PTPRH: variants seen among roughly 807,000 people sequenced by gnomAD.
The protein encoded by PTPRH is receptor-type tyrosine-protein phosphatase H.
In PTPRH, 113 loss-of-function variants were observed where a neutral mutation model predicts 130.2. The ratio of observed to expected loss-of-function variants is 0.87; its 90% confidence interval spans 0.75 to 1.01. The LOEUF is 1.01. Ranked by LOEUF, PTPRH falls within the 50% of genes least tolerant of loss-of-function variation. The pLI, the probability that PTPRH is intolerant of heterozygous loss-of-function variation, is 0.00. For synonymous variants in PTPRH, 556 were observed against 577.9 expected, an observed-to-expected ratio of 0.96 and a Z score of 0.54; for missense variants, 1,430 against 1,425.0, an observed-to-expected ratio of 1.00 and a Z score of -0.06.
chr19:55,182,265 C>G, intron 18 of PTPRH, 114 bp from the exon 19 acceptor site: 1 of 1,259,910 alleles, frequency 7.9e-7, no homozygotes, highest in Non-Finnish European at 1.1e-6. Context: ...CCTGCTCACA[C>G]CTGTAATCCC....
At position 55,202,206 on chromosome 19, in the gene PTPRH, T is replaced by C. The variant is rs2086886311; in HGVS notation, c.1003A>G (p.Thr335Ala). ...PQNSTYGVEY[T>A]GDGGRAGTRS... ...GTCCCTGCTCTGCCACCATCTCCAG[T>C]GTACTCAACCCCGTAGGTGGAGTTC... The change falls in exon 6 of 20, where the codon ACT (threonine) becomes GCT (alanine). Residue 335 changes from threonine (T) to alanine (A), a missense_variant. Transcript: ENST00000376350. The C allele has an allele frequency of 6.2e-7, 1 of 1,614,080 alleles. No homozygotes were observed. Among genetic ancestry groups the C allele is most frequent in the African/African-American group, 1.3e-5 (1 of 74,934 alleles).
In PTPRH at chr19:55,186,491, A is replaced by G; in HGVS notation, c.2616T>C (p.Ser872=). ...PLKPIHEEPG[S]DYINASFMPG... is the part of the protein sequence containing the mutation. ...GCATGAAGCTGGCATTGATGTAGTC[A>G]GAGCCTGGCTCCTCATGGATGGGCT... Residue 872 remains serine, a synonymous_variant, in exon 15 of 20, where the codon TCT becomes TCC. Coordinates refer to ENST00000376350, the MANE Select transcript of PTPRH (RefSeq NM_002842.5). The G allele has an allele frequency of 1.3e-6, 2 of 1,560,186 alleles. 1 individual carries two copies. The highest frequency in any genetic ancestry group is 2.2e-5 in the South Asian group (2 of 89,018).
chr19:55,185,436 A>G (rs574388579), intron 18 of PTPRH, 66 bp downstream of exon 18: 10 of 1,569,566 alleles, frequency 6.4e-6, no homozygotes, highest in Non-Finnish European at 7.8e-6. Flanking sequence ...GGTCCCGTCT[A>G]ACACAACTGT....
intron 3 of PTPRH, 21 bp from the exon 4 acceptor site, chr19:55,205,613 G>T (rs1409895561): frequency 3.1e-6 from 5 of 1,612,532 alleles, no homozygotes; most frequent in African/African-American, 2.7e-5. Flanking sequence ...GCACAGGAGG[G>T]AAAATCAGTT....
chr19:55,206,203 A>C (rs1465223813), intron 3 of PTPRH, among the ~76,000 whole-genome samples: 2 of 151,942 alleles, frequency 1.3e-5, no homozygotes, highest in Admixed American at 6.6e-5. Context: ...ACTGCACTCC[A>C]ACCTGGGCGA....
At chr19:55,189,129 G>A (rs1246778399) in intron 12 of PTPRH, among the ~76,000 whole-genome samples, 1 of 152,134 alleles carries the variant, frequency 6.6e-6, no homozygotes, top group Non-Finnish European at 1.5e-5. Flanking sequence ...GGGATTACAG[G>A]TGCCAGCCAC....
Position 55,198,753 on chromosome 19 carries a change from C to T in PTPRH, c.1580G>A (p.Gly527Asp), listed in dbSNP as rs754708961. 2 of 1,614,076 alleles carry T rather than the reference C, an allele frequency of 1.2e-6. No homozygotes were observed. Among genetic ancestry groups the T allele is most frequent in the Non-Finnish European group, 1.7e-6 (2 of 1,180,012 alleles). Reference sequence around the variant, plus strand: ...CAGTTCCTTTAGGGTGATGTCAGTACCTGAGGTGCTTTGGGTCCTGGGGTC... The same window carrying T: ...CAGTTCCTTTAGGGTGATGTCAGTATCTGAGGTGCTTTGGGTCCTGGGGTC... Reference protein sequence around the residue: ...MTDPRTQSTSGTDITLKELEA... With the variant: ...MTDPRTQSTSDTDITLKELEA... The change falls in exon 8 of 20, where the codon GGT becomes GAT. Residue 527 changes from glycine to aspartate, a missense_variant. Transcript: ENST00000376350.
At chr19:55,202,441 A>G (rs2086893410) in intron 5 of PTPRH, 119 bp from the exon 6 acceptor site, 6 of 1,434,556 alleles carry the variant, frequency 4.2e-6, no homozygotes, top group Middle Eastern at 3.9e-4. Context: ...TGCACTGTCC[A>G]GTGTGGCAGC....
rs144253410 is a variant in PTPRH, at chr19:55,202,043, G to A, written c.1153+13C>T. On this transcript the variant is annotated intron_variant, in intron 6 of 19. Transcript: ENST00000376350. ...ACAAATAAGAGATCAAACAAATGGC[G>A]ACTGCCTCTCACCTGTGGTGGCATT... The A allele has an allele frequency of 0.13, 205,818 of 1,612,826 alleles. 13,834 individuals carry two copies. Among genetic ancestry groups the A allele is most frequent in the East Asian group, 0.17 (7,409 of 44,854 alleles).
chr19:55,200,119 G>T, intron 7 of PTPRH, 117 bp downstream of exon 7: 1 of 1,191,596 alleles, frequency 8.4e-7, no homozygotes, highest in Non-Finnish European at 1.2e-6. Context: ...GACTTGGAGA[G>T]GCAGATGTCT....
At position 55,196,605 on chromosome 19, in the gene PTPRH, C is replaced by T. The variant is rs370768371; in HGVS notation, c.2174G>A (p.Arg725Gln). 19 of 1,613,636 alleles carry T rather than the reference C, an allele frequency of 1.2e-5. No individual in the cohort carries two copies. The highest frequency in any genetic ancestry group is 2.2e-5 in the East Asian group (1 of 44,862). ...GGTCGTGATGGTGGCTGGGTAGGAC[C>T]GAGCCGGCCCGAGACCCAACACAGA... ...AVSVLGLGPA[R>Q]SYPATITTIW... is the part of the protein sequence containing the mutation. Residue 725 changes from arginine (R) to glutamine (Q), a missense_variant, in exon 10 of 20, where the codon CGG (arginine) becomes CAG (glutamine). By Grantham distance (43) the Arg-to-Gln change is conservative. Coordinates refer to ENST00000376350, the MANE Select transcript of PTPRH (RefSeq NM_002842.5).
chr19:55,197,963 A>G (rs1313152335), intron 8 of PTPRH, among the ~76,000 whole-genome samples: 1 of 152,200 alleles, frequency 6.6e-6, no homozygotes. Context: ...CTGTAATCTC[A>G]GTGCTTTGGG....
At chr19:55,190,672 C>T (rs1034054718) in intron 12 of PTPRH, among the ~76,000 whole-genome samples, 2 of 140,580 alleles carry the variant, frequency 1.4e-5, no homozygotes, top group Non-Finnish European at 3.0e-5. Flanking sequence ...ACTCTGTTGC[C>T]CAGGCTGGAG....
At chr19:55,194,170 T>C in intron 10 of PTPRH, 1 of 1,288,916 alleles carries the variant, frequency 7.8e-7, no homozygotes, top group African/African-American at 1.5e-5. Flanking sequence ...TGTCTATGGG[T>C]GCTCTCAGGC....
intron 5 of PTPRH, among the ~76,000 whole-genome samples, chr19:55,203,400 CTT>C (rs2086936044): frequency 3.1e-5 from 1 of 32,054 alleles, no homozygotes; most frequent in Admixed American, 3.8e-4. Context: ...TCTTTCTTTC[CTT>C]CCTTCCTTCC....
At position 55,198,790 on chromosome 19, in the gene PTPRH, C is replaced by A; in HGVS notation, c.1543G>T (p.Glu515Ter). The change falls in exon 8 of 20, where the codon GAA becomes TAA. Residue 515 changes from glutamate (E) to a stop codon, truncating the protein, a stop_gained. Transcript: ENST00000376350. LOFTEE classifies it high-confidence loss of function. ...SYSYWVSWVREGMTDPRTQST... is the reference protein window; with the variant it reads ...SYSYWVSWVR ...TGGGTCCTGGGGTCAGTCATGCCTT[C>A]CCTGACCCATGAGACCCAGTAGCTG... 1 of 1,613,348 alleles carries A rather than the reference C, an allele frequency of 6.2e-7. No homozygotes were observed. Among genetic ancestry groups the A allele is most frequent in the African/African-American group, 1.3e-5 (1 of 75,030 alleles).
chr19:55,196,923 C>A (rs926436711), intron 9 of PTPRH, 135 bp from the exon 10 acceptor site: 86 of 1,262,256 alleles, frequency 6.8e-5, no homozygotes, highest in Non-Finnish European at 8.7e-5. Context: ...CCCTCCTTTT[C>A]TGTCCTCCCC....
intron 10 of PTPRH, chr19:55,192,190 CAG>C: frequency 5.7e-6 from 2 of 351,822 alleles, no homozygotes; most frequent in East Asian, 7.6e-5. Flanking sequence ...ATCACGAGGT[CAG>C]GAGATCGAGA....
intron 8 of PTPRH, among the ~76,000 whole-genome samples, chr19:55,198,084 G>A (rs1334824076): frequency 1.3e-5 from 2 of 152,136 alleles, no homozygotes; most frequent in Admixed American, 1.3e-4. Flanking sequence ...GGGCATGGTG[G>A]CGCATGTTTG....
Sources: gnomAD v4.1 joint callset for allele counts (sites outside exome capture counted in the v4.1 genomes callset) on GRCh38, gnomAD v4.1.1 for gene constraint, MANE v1.5 for transcripts, NCBI Gene and HGNC (gene_info 2026-07-23, HGNC 2026-07-21) for gene names.